ADAM12: variants seen among roughly 807,000 people sequenced by gnomAD.
ADAM12 encodes the protein disintegrin and metalloproteinase domain-containing protein 12.
In ADAM12, 70 loss-of-function variants were observed where a neutral mutation model predicts 106.4. The ratio of observed to expected loss-of-function variants is 0.66; its 90% CI spans 0.54 to 0.80. The LOEUF is 0.80. Among genes scored for constraint, ADAM12 ranks in the 30% least tolerant of loss-of-function variants. ADAM12 has a pLI of 0.00. For synonymous variants in ADAM12, 420 were observed against 433.5 expected, an observed-to-expected ratio of 0.97 and a Z score of 0.39; for missense variants, 1,010 against 1,171.9, an observed-to-expected ratio of 0.86 and a Z score of 2.02.
chr10:126,305,733 C>T (rs4568913), intron 2 of ADAM12, among the ~76,000 whole-genome samples: 117,128 of 151,912 alleles, frequency 0.77, 45,235 homozygotes, highest in Admixed American at 0.79. Flanking sequence ...TTGAAAAAAT[C>T]CTAAAGCAAG....
chr10:126,158,352 G>GGGGC (rs2133732339), intron 3 of ADAM12, among the ~76,000 whole-genome samples: 1 of 147,438 alleles, frequency 6.8e-6, no homozygotes, highest in Admixed American at 6.7e-5. Flanking sequence ...CACAGAGCAT[G>GGGGC]AGGGATGCAC....
At chr10:126,041,085 C>T (rs569880434) in intron 18 of ADAM12, among the ~76,000 whole-genome samples, 8 of 152,148 alleles carry the variant, frequency 5.3e-5, no homozygotes, top group Non-Finnish European at 1.0e-4. Flanking sequence ...CAGGAGCCTT[C>T]CTGACAACCC....
Position 126,014,829 on chromosome 10 carries a change from C to CT in ADAM12, c.*2449dup, listed in dbSNP as rs1554956279. 2 of 136,388 alleles carry CT rather than the reference C, an allele frequency of 1.5e-5. No homozygotes were observed. Among genetic ancestry groups the CT allele is most frequent in the Admixed American group, 7.1e-5 (1 of 14,020 alleles). 8.4% of individuals were successfully genotyped at this position (136,388 alleles called of 1,614,324 possible). On this transcript the variant is annotated 3_prime_UTR_variant, in exon 23 of 23. Transcript: ENST00000448723. ...CCTCTATTATTCATGCCTATACAGTCTTTTAAAAAAATACTAGATTGCCAT... is the reference window on the plus strand; with the variant it reads ...CCTCTATTATTCATGCCTATACAGTCTTTTTAAAAAAATACTAGATTGCCAT...
chr10:126,168,885 T>G (rs1192877047), intron 3 of ADAM12, among the ~76,000 whole-genome samples: 2 of 152,038 alleles, frequency 1.3e-5, no homozygotes, highest in Non-Finnish European at 2.9e-5. Context: ...AAACTCCATC[T>G]CTACTAACAA....
chr10:126,144,937 C>G (rs1956598051), intron 4 of ADAM12, among the ~76,000 whole-genome samples: 1 of 152,186 alleles, frequency 6.6e-6, no homozygotes, highest in Non-Finnish European at 1.5e-5. Context: ...TAGCTGGACT[C>G]TGGCTTGTGA....
chr10:126,318,736 A>G (rs947571035), intron 2 of ADAM12, among the ~76,000 whole-genome samples: 10 of 152,224 alleles, frequency 6.6e-5, no homozygotes, highest in African/African-American at 2.2e-4. Flanking sequence ...AGTATAAAAT[A>G]AATACCTGTA....
At chr10:126,157,034 G>T (rs554548228) in intron 3 of ADAM12, among the ~76,000 whole-genome samples, 113 of 151,990 alleles carry the variant, frequency 7.4e-4, no homozygotes, top group African/African-American at 2.4e-3. Flanking sequence ...TGTGTGTGTG[G>T]GGGGGTGCTC....
chr10:126,017,675 C>T (rs1953684779), intron 22 of ADAM12, among the ~76,000 whole-genome samples: 1 of 152,178 alleles, frequency 6.6e-6, no homozygotes, highest in South Asian at 2.1e-4. Flanking sequence ...TTCAACAGGT[C>T]ATCATCAATA....
chr10:126,207,859 A>C (rs1957824695), intron 3 of ADAM12, among the ~76,000 whole-genome samples: 1 of 152,206 alleles, frequency 6.6e-6, no homozygotes, highest in South Asian at 2.1e-4. Context: ...ATTGTTGATA[A>C]GATTACAAAA....
At chr10:126,056,399 A>G (rs1954631976) in intron 14 of ADAM12, among the ~76,000 whole-genome samples, 1 of 152,208 alleles carries the variant, frequency 6.6e-6, no homozygotes, top group South Asian at 2.1e-4. Flanking sequence ...CTATGGAATC[A>G]AAGGCCCGAA....
rs1031944308 is a variant in ADAM12 at position 126,043,625 on chromosome 10, G to A, written c.1996-477C>T. On this transcript the variant is annotated intron_variant, in intron 17 of 22. Transcript: ENST00000448723. The surrounding 1 kb of genome is among the most constrained non-coding windows in gnomAD (Gnocchi z 4.1). ...GCTCAGAGAGGCTGGTGACTGCCGG[G>A]TCCCACGCCAGGCTGGGGTCCGAGG... is the stretch of plus-strand genomic sequence containing the variant. Among the ~76,000 whole-genome samples the A allele has an allele frequency of 2.6e-5, 4 of 152,180 alleles. No individual in the cohort carries two copies. The highest frequency in any genetic ancestry group is 7.2e-5 in the African/African-American group (3 of 41,446).
intron 2 of ADAM12, among the ~76,000 whole-genome samples, chr10:126,288,162 C>T (rs1959965878): frequency 6.6e-6 from 1 of 152,112 alleles, no homozygotes; most frequent in Non-Finnish European, 1.5e-5. Context: ...CCCTAGGAGG[C>T]CAACGTCCTC....
chr10:126,313,271 G>A (rs1269840108), intron 2 of ADAM12, among the ~76,000 whole-genome samples: 1 of 152,170 alleles, frequency 6.6e-6, no homozygotes, highest in East Asian at 1.9e-4. Flanking sequence ...AGTTGAGAGG[G>A]CCAAGAAACC....
chr10:126,222,141 A>G (rs1298954162), intron 3 of ADAM12, among the ~76,000 whole-genome samples: 2 of 152,162 alleles, frequency 1.3e-5, no homozygotes, highest in African/African-American at 2.4e-5. Flanking sequence ...TCTTCTCTGG[A>G]AGGTACTCAG....
At chr10:126,227,461 A>G (rs1325942703) in intron 3 of ADAM12, among the ~76,000 whole-genome samples, 2 of 152,154 alleles carry the variant, frequency 1.3e-5, no homozygotes, top group East Asian at 3.9e-4. Context: ...AGCCCCCTAC[A>G]TAGACGATCT....
chr10:126,200,502 T>C (rs970109812), intron 3 of ADAM12, among the ~76,000 whole-genome samples: 1 of 152,166 alleles, frequency 6.6e-6, no homozygotes, highest in African/African-American at 2.4e-5. Flanking sequence ...CATCTCCCAC[T>C]ACTTGGTGAG....
intron 2 of ADAM12, among the ~76,000 whole-genome samples, chr10:126,296,968 C>G (rs562449052): frequency 6.6e-6 from 1 of 152,268 alleles, no homozygotes; most frequent in South Asian, 2.1e-4. Flanking sequence ...AGGGGCTGTG[C>G]TAGGCTTATT....
intron 4 of ADAM12, among the ~76,000 whole-genome samples, chr10:126,144,307 G>A (rs916621419): frequency 6.6e-6 from 1 of 152,196 alleles, no homozygotes; most frequent in Non-Finnish European, 1.5e-5. Context: ...GCACTTAGTT[G>A]TCCAGAGTTT....
At chr10:126,370,912 C>T (rs1252890516) in intron 1 of ADAM12, among the ~76,000 whole-genome samples, 1 of 152,138 alleles carries the variant, frequency 6.6e-6, no homozygotes, top group Non-Finnish European at 1.5e-5. Context: ...ATGGCCCATA[C>T]CTCTAAGGGC....
Sources: allele counts gnomAD v4.1 joint callset (sites outside exome capture counted in the v4.1 genomes callset), GRCh38; gene constraint gnomAD v4.1.1; non-coding constraint Gnocchi (gnomAD v3.1); transcripts MANE v1.5; gene names NCBI Gene and HGNC (gene_info 2026-07-23, HGNC 2026-07-21).